Variants in CLVS1 observed in about 807,000 individuals in gnomAD.
CLVS1 encodes the protein clavesin-1.
Under a neutral mutation model 33.1 loss-of-function variants are expected in CLVS1, and 10 were observed. That is an observed-to-expected ratio of 0.30 (90% CI 0.19 to 0.51). The LOEUF is 0.51. Ranked by LOEUF, CLVS1 falls within the 20% of genes least tolerant of loss-of-function variation. The pLI is 0.97. For missense variants in CLVS1, 343 were observed against 433.4 expected, an observed-to-expected ratio of 0.79 and a Z score of 1.85; for synonymous variants, 163 against 166.1, an observed-to-expected ratio of 0.98 and a Z score of 0.14.
In CLVS1 at chr8:61,172,155, C is replaced by T. The variant is rs547504566; in HGVS notation, c.-152+40295C>T. ...TCAACGTATCAATATATTGTTGTTT[C>T]GTTAACCACTGCATCTTTTGTCTAT... On this transcript the variant is annotated intron_variant, in intron 2 of 2. Coordinates refer to the CLVS1 transcript ENST00000522621. Among the ~76,000 whole-genome samples the T allele has an allele frequency of 2.0e-4, 30 of 152,238 alleles. 1 individual carries two copies. The highest frequency in any genetic ancestry group is 1.6e-3 in the Admixed American group (24 of 15,268).
chr8:61,360,316 T>C (rs1320749859), intron 2 of CLVS1, among the ~76,000 whole-genome samples: 1 of 152,120 alleles, frequency 6.6e-6, no homozygotes, highest in Non-Finnish European at 1.5e-5. Flanking sequence ...ACCTAGATGA[T>C]TCTAGAAGTC....
chr8:61,208,040 T>C (rs1233266415), intron 2 of CLVS1, among the ~76,000 whole-genome samples: 1 of 152,166 alleles, frequency 6.6e-6, no homozygotes, highest in Non-Finnish European at 1.5e-5. Context: ...CAGCAGGAAA[T>C]TCAGGAAATT....
chr8:61,462,797 C>T (rs1179047540), intron 5 of CLVS1, among the ~76,000 whole-genome samples: 1 of 152,104 alleles, frequency 6.6e-6, no homozygotes, highest in African/African-American at 2.4e-5. Context: ...GTAGATTTAA[C>T]ATAATTCTTA....
chr8:61,060,746 A>G (rs11993093), intron 1 of CLVS1, among the ~76,000 whole-genome samples: 2 of 152,140 alleles, frequency 1.3e-5, no homozygotes, highest in African/African-American at 4.8e-5. Flanking sequence ...TACTTCTTTC[A>G]AGAAATAAAT....
chr8:61,193,354 A>G (rs1807534711), intron 2 of CLVS1, among the ~76,000 whole-genome samples: 1 of 151,998 alleles, frequency 6.6e-6, no homozygotes, highest in African/African-American at 2.4e-5. Flanking sequence ...GGAACATCAC[A>G]CACCTGGGCC....
At chr8:61,291,147 A>T (rs1026097315) in intron 1 of CLVS1, among the ~76,000 whole-genome samples, 3 of 152,154 alleles carry the variant, frequency 2.0e-5, no homozygotes, top group African/African-American at 4.8e-5. Context: ...CCTAAGTCTG[A>T]TGCCTCCCAT....
the CLVS1 span, among the ~76,000 whole-genome samples, chr8:61,038,437 GTA>G: frequency 0.14 from 20,650 of 142,460 alleles, 1,528 homozygotes; most frequent in Middle Eastern, 0.27. Flanking sequence ...CCTGTCGTTT[GTA>G]TATATATATA....
At position 61,149,569 on chromosome 8, in the gene CLVS1, C is replaced by CAAAAAAAAAAAAAAAAAAAAAAA. The variant is rs1212944878; in HGVS notation, c.-152+17715_-152+17716insAAAAAAAAAAAAAAAAAAAAAAA. Among the ~76,000 whole-genome samples the CAAAAAAAAAAAAAAAAAAAAAAA allele has an allele frequency of 1.7e-5, 2 of 120,274 alleles. 1 individual carries two copies. The highest frequency in any genetic ancestry group is 6.5e-5 in the African/African-American group (2 of 30,776). The allele number at this position is 120,274 out of a possible 152,430, so 78.9% of individuals were successfully genotyped here. A position where few individuals can be genotyped will look rare whatever the true frequency, so the allele number is the denominator to read the frequency against. ...TCTGTCTCAAAAAAAAAAAAAAAAA[C>CAAAAAAAAAAAAAAAAAAAAAAA]AAAAAACAAAACAAAAAGAAAAAGA... is the stretch of plus-strand genomic sequence containing the variant. On this transcript the variant is annotated intron_variant, in intron 2 of 2. Coordinates refer to the CLVS1 transcript ENST00000522621.
intron 3 of CLVS1, among the ~76,000 whole-genome samples, chr8:61,386,922 A>G (rs897896639): frequency 6.6e-6 from 1 of 152,242 alleles, no homozygotes; most frequent in African/African-American, 2.4e-5. Flanking sequence ...TATGAAAAAG[A>G]TTGATTGAAA....
intron 3 of CLVS1, among the ~76,000 whole-genome samples, chr8:61,390,571 T>C (rs947994586): frequency 2.0e-5 from 3 of 152,248 alleles, no homozygotes; most frequent in African/African-American, 7.2e-5. Context: ...CACAAGTTTT[T>C]GTTACTTGTA....
At chr8:61,312,947 A>G (rs1383049333) in intron 2 of CLVS1, among the ~76,000 whole-genome samples, 3 of 152,198 alleles carry the variant, frequency 2.0e-5, no homozygotes, top group East Asian at 3.8e-4. Context: ...TCTCTTTGCC[A>G]TACATTTTGG....
chr8:61,101,215 T>G (rs1312931445), intron 1 of CLVS1, among the ~76,000 whole-genome samples: 1 of 152,222 alleles, frequency 6.6e-6, no homozygotes, highest in Non-Finnish European at 1.5e-5. Context: ...CAGTAGAATA[T>G]GAGGATTTTA....
chr8:61,330,923 C>CA lies in CLVS1; in HGVS notation c.455+30656dup, dbSNP rs60789347. Among the ~76,000 whole-genome samples the CA allele has an allele frequency of 3.3e-3, 409 of 124,522 alleles. 1 individual carries two copies. The highest frequency in any genetic ancestry group is 0.021 in the Middle Eastern group (5 of 238). 81.7% of individuals were successfully genotyped at this position (124,522 alleles called of 152,430 possible). ...TGGGCAACATACTGAAGCCCCATTT[C>CA]AAAAAAAAAAAAAAATTAGCTAGGC... is the stretch of plus-strand genomic sequence containing the variant. On this transcript the variant is annotated intron_variant, in intron 2 of 5. Transcript: ENST00000325897.
At chr8:61,004,076 C>A in the CLVS1 span, among the ~76,000 whole-genome samples, 1 of 152,162 alleles carries the variant, frequency 6.6e-6, no homozygotes, top group Non-Finnish European at 1.5e-5. Flanking sequence ...TCGATTCAGA[C>A]AAACGCATAA....
intron 2 of CLVS1, among the ~76,000 whole-genome samples, chr8:61,175,647 A>G (rs1238605925): frequency 6.6e-6 from 1 of 152,230 alleles, no homozygotes; most frequent in East Asian, 1.9e-4. Flanking sequence ...CCATGGGTAT[A>G]CAGACGCAGA....
At chr8:61,202,827 T>C (rs1022769865) in intron 2 of CLVS1, 1 of 1,104,802 alleles carries the variant, frequency 9.1e-7, no homozygotes. Context: ...TAAAACTTGC[T>C]GCTGATGAAG....
intron 2 of CLVS1, among the ~76,000 whole-genome samples, chr8:61,197,409 C>T (rs751026307): frequency 1.3e-4 from 20 of 152,110 alleles, no homozygotes; most frequent in Non-Finnish European, 2.6e-4. Context: ...GTCTATGTGT[C>T]TGTTTTTATG....
At chr8:61,010,611 C>T in the CLVS1 span, among the ~76,000 whole-genome samples, 1 of 152,192 alleles carries the variant, frequency 6.6e-6, no homozygotes, top group Non-Finnish European at 1.5e-5. Flanking sequence ...CAGATTATGT[C>T]CTTACTGTTG....
intron 2 of CLVS1, among the ~76,000 whole-genome samples, chr8:61,210,606 A>G (rs891464449): frequency 1.3e-5 from 2 of 152,238 alleles, no homozygotes; most frequent in Admixed American, 1.3e-4. Flanking sequence ...AGCTGAAAGG[A>G]GCTAAATTCT....
Sources: gnomAD v4.1 joint callset for allele counts (sites outside exome capture counted in the v4.1 genomes callset) on GRCh38, gnomAD v4.1.1 for gene constraint, MANE v1.5 for transcripts, NCBI Gene and HGNC (gene_info 2026-07-23, HGNC 2026-07-21) for gene names.